ALDH1A3: variants seen among roughly 807,000 people sequenced by gnomAD.
ALDH1A3 encodes the protein aldehyde dehydrogenase 1 family member A3.
ALDH1A3 carries 28 observed loss-of-function variants against 57.5 expected under a neutral mutation model. The ratio of observed to expected loss-of-function variants is 0.49; its 90% CI spans 0.36 to 0.67. ALDH1A3 has a LOEUF of 0.67. Among genes scored for constraint, ALDH1A3 ranks in the 30% least tolerant of loss-of-function variants. The probability of loss-of-function intolerance (pLI) is 0.00; values close to 1 mark genes in which losing one functional copy is unlikely to be tolerated. For missense variants in ALDH1A3, 507 were observed against 669.4 expected (o/e 0.76, Z 2.68); for synonymous variants, 281 against 264.8 (o/e 1.06, Z -0.59).
chr15:100,910,871 GC>G (rs1187369922), intron 12 of ALDH1A3, among the ~76,000 whole-genome samples: 1 of 152,176 alleles, frequency 6.6e-6, no homozygotes, highest in African/African-American at 2.4e-5. Flanking sequence ...AAGCTGCAGG[GC>G]CCCCAATCCC....
intron 9 of ALDH1A3, among the ~76,000 whole-genome samples, chr15:100,903,745 C>T (rs891977584): frequency 1.3e-5 from 2 of 152,148 alleles, no homozygotes; most frequent in African/African-American, 2.4e-5. Context: ...ATGCATCTAC[C>T]GCTTATAATA....
chr15:100,900,761 T>G lies in ALDH1A3; in HGVS notation c.1068+2T>G. On this transcript the variant is annotated splice_donor_variant, in intron 9 of 12. Coordinates refer to ENST00000329841, the MANE Select transcript of ALDH1A3 (RefSeq NM_000693.4). LOFTEE classifies it high-confidence loss of function. ...GTCAAAACAGAACAGGGGCCTCAGG[T>G]AATCCCCCTGGTGTGTGTGAAACCA... 6.2e-7 allele frequency: 1 copy of G among 1,613,614 alleles called. No individual in the cohort carries two copies. Among genetic ancestry groups the G allele is most frequent in the Non-Finnish European group, 8.5e-7 (1 of 1,179,844 alleles).
chr15:100,908,166 C>T (rs2041845192), intron 11 of ALDH1A3, among the ~76,000 whole-genome samples: 1 of 152,014 alleles, frequency 6.6e-6, no homozygotes, highest in African/African-American at 2.4e-5. Context: ...CTTTTTTCTC[C>T]CCTTATCATT....
intron 12 of ALDH1A3, among the ~76,000 whole-genome samples, chr15:100,912,618 T>C (rs923282877): frequency 6.6e-6 from 1 of 152,250 alleles, no homozygotes; most frequent in African/African-American, 2.4e-5. Context: ...GTTCTGGAAC[T>C]ATTTGTTTTA....
At position 100,900,978 on chromosome 15, in the gene ALDH1A3, C is replaced by T. The variant is rs4646676; in HGVS notation, c.1068+219C>T. Among the ~76,000 whole-genome samples, 14,316 of 152,196 alleles carry T rather than the reference C, an allele frequency of 0.094. 1,351 individuals carry two copies. The highest frequency in any genetic ancestry group is 0.24 in the African/African-American group (10,143 of 41,472). ...GACACACTGAGGCATGGGAGGAGGG[C>T]GCTATTCCCAGGGCAGAAGGCCATC... On this transcript the variant is annotated intron_variant, in intron 9 of 12. Coordinates refer to ENST00000329841, the MANE Select transcript of ALDH1A3 (RefSeq NM_000693.4).
At chr15:100,881,918 C>T (rs974024401) in intron 1 of ALDH1A3, among the ~76,000 whole-genome samples, 15 of 152,192 alleles carry the variant, frequency 9.9e-5, no homozygotes, top group African/African-American at 3.1e-4. Context: ...TGAGGGTGGC[C>T]AACCAGTGCC....
In ALDH1A3 at chr15:100,905,699, C is replaced by T. The variant is rs371996820; in HGVS notation, c.1233+12C>T. On this transcript the variant is annotated intron_variant, in intron 10 of 12. Transcript: ENST00000329841. The stretch of plus-strand genomic sequence containing the variant: ...TTGCCAAAGAGGAGGTACAAGGGGG[C>T]TGTGGCAAGGCTACGACTTGCGGGG... The T allele has an allele frequency of 1.9e-6, 3 of 1,539,518 alleles. No homozygotes were observed. The highest frequency in any genetic ancestry group is 2.0e-4 in the Middle Eastern group (1 of 4,944).
intron 12 of ALDH1A3, among the ~76,000 whole-genome samples, chr15:100,910,060 A>G (rs1009070017): frequency 1.3e-5 from 2 of 152,120 alleles, no homozygotes. Flanking sequence ...CTGTGAAGGG[A>G]TGGGCCTGGC....
At chr15:100,912,534 G>C (rs909118576) in intron 12 of ALDH1A3, among the ~76,000 whole-genome samples, 4 of 152,132 alleles carry the variant, frequency 2.6e-5, no homozygotes, top group Non-Finnish European at 5.9e-5. Context: ...ATAGAATTTA[G>C]CATTCTGTTT....
chr15:100,880,274 A>G, intron 1 of ALDH1A3: 1 of 385,238 alleles, frequency 2.6e-6, no homozygotes, highest in Non-Finnish European at 4.6e-6. Flanking sequence ...GGCCGCCCGC[A>G]TCCCTGCGAG....
At chr15:100,890,709 G>T (rs2041640312) in intron 3 of ALDH1A3, among the ~76,000 whole-genome samples, 1 of 152,224 alleles carries the variant, frequency 6.6e-6, no homozygotes, top group African/African-American at 2.4e-5. Flanking sequence ...TTGGCTCCAT[G>T]TCTCGCGCTT....
At chr15:100,884,346 C>T (rs2041573312) in intron 1 of ALDH1A3, among the ~76,000 whole-genome samples, 1 of 152,194 alleles carries the variant, frequency 6.6e-6, no homozygotes. Flanking sequence ...GCATGGACTT[C>T]GTATGTTCTT....
intron 1 of ALDH1A3, among the ~76,000 whole-genome samples, chr15:100,882,500 T>A (rs1222989968): frequency 6.6e-6 from 1 of 152,240 alleles, no homozygotes; most frequent in Non-Finnish European, 1.5e-5. Flanking sequence ...AATCTCCTTT[T>A]CTGAAAACAT....
In ALDH1A3 at chr15:100,913,155, C is replaced by T. The variant is rs1183723407; in HGVS notation, c.1467-1546C>T. 2.7e-5 allele frequency: 4 copies of T among 147,236 alleles called. 2 individuals carry two copies. Among genetic ancestry groups the T allele is most frequent in the Non-Finnish European group, 5.9e-5 (4 of 67,246 alleles). 9.1% of individuals were successfully genotyped at this position (147,236 alleles called of 1,614,324 possible). On this transcript the variant is annotated intron_variant, in intron 12 of 12. Transcript: ENST00000329841. ...CCTGGGCGACAGAGCGAGACTCCGTCTCAAAAAAAAAAAAAAAAAATACAG... is the reference window on the plus strand; with the variant it reads ...CCTGGGCGACAGAGCGAGACTCCGTTTCAAAAAAAAAAAAAAAAAATACAG...
Position 100,914,822 on chromosome 15 carries a change from G to A in ALDH1A3, c.*49G>A. The A allele has an allele frequency of 6.4e-7, 1 of 1,568,082 alleles. No individual in the cohort carries two copies. The highest frequency in any genetic ancestry group is 2.2e-5 in the East Asian group (1 of 44,628). On this transcript the variant is annotated 3_prime_UTR_variant, in exon 13 of 13. Transcript: ENST00000329841. ...AAACATCGGACGGCGGAATGTGGCA[G>A]ATGAAATGTGCTGGAGGAAAAAAAT... is the stretch of plus-strand genomic sequence containing the variant.
intron 1 of ALDH1A3, among the ~76,000 whole-genome samples, chr15:100,883,044 A>AT (rs1035507373): frequency 5.8e-4 from 88 of 152,114 alleles, no homozygotes; most frequent in East Asian, 3.9e-4. Context: ...ACAAACAGTA[A>AT]TTTTTTTTGG....
At chr15:100,910,013 G>A (rs1343369039) in intron 12 of ALDH1A3, among the ~76,000 whole-genome samples, 1 of 152,202 alleles carries the variant, frequency 6.6e-6, no homozygotes, top group Admixed American at 6.5e-5. Flanking sequence ...CTTGGTTGGG[G>A]CCTTTGTGTG....
chr15:100,910,231 C>T (rs2041869790), intron 12 of ALDH1A3, among the ~76,000 whole-genome samples: 1 of 152,270 alleles, frequency 6.6e-6, no homozygotes, highest in East Asian at 1.9e-4. Flanking sequence ...TCCCCCTTAT[C>T]CCTGTGGCTG....
In ALDH1A3 at chr15:100,916,389, A is replaced by G. The variant is rs75072374; in HGVS notation, c.*1616A>G. On this transcript the variant is annotated 3_prime_UTR_variant, in exon 13 of 13. Transcript: ENST00000329841. The stretch of plus-strand genomic sequence containing the variant: ...TTTAATATGAAATGCTACATTATTT[A>G]TAATTGGTAGAGTTATTGTATCTTT... 709 of 152,670 alleles carry G rather than the reference A, an allele frequency of 4.6e-3. 6 individuals carry two copies. The highest frequency in any genetic ancestry group is 0.016 in the African/African-American group (678 of 41,570). 9.5% of individuals were successfully genotyped at this position (152,670 alleles called of 1,614,324 possible).
Sources: gnomAD v4.1 joint callset for allele counts (sites outside exome capture counted in the v4.1 genomes callset) on GRCh38, gnomAD v4.1.1 for gene constraint, MANE v1.5 for transcripts, NCBI Gene and HGNC (gene_info 2026-07-23, HGNC 2026-07-21) for gene names.